PAX7: variants seen among roughly 807,000 people sequenced by gnomAD.
PAX7 encodes paired box 7, also known as paired box protein Pax-7.
In PAX7, 18 loss-of-function variants were observed where a neutral mutation model predicts 50.7. The observed-to-expected ratio is 0.36, with a 90% CI of 0.25 to 0.53. The LOEUF (loss-of-function observed/expected upper bound fraction) is 0.53. PAX7 is among the 20% of genes least tolerant of loss of function. PAX7 has a pLI of 0.93. For synonymous variants in PAX7, 310 were observed against 290.4 expected, an observed-to-expected ratio of 1.07 and a Z score of -0.69; for missense variants, 644 against 702.9, an observed-to-expected ratio of 0.92 and a Z score of 0.95.
chr1:18,718,689 C>T (rs2089458727), intron 7 of PAX7, among the ~76,000 whole-genome samples: 1 of 151,606 alleles, frequency 6.6e-6, no homozygotes, highest in Non-Finnish European at 1.5e-5. Context: ...TGTCGCCAGG[C>T]TGGAGTTCAG....
At chr1:18,676,126 A>C (rs893671794) in intron 4 of PAX7, among the ~76,000 whole-genome samples, 1 of 152,182 alleles carries the variant, frequency 6.6e-6, no homozygotes, top group Non-Finnish European at 1.5e-5. Flanking sequence ...TCACCATTAG[A>C]GTACGCTCCT....
intron 7 of PAX7, among the ~76,000 whole-genome samples, chr1:18,734,713 C>T (rs2089689900): frequency 6.6e-6 from 1 of 152,160 alleles, no homozygotes; most frequent in Non-Finnish European, 1.5e-5. Context: ...TTGCTAGTAG[C>T]TTCCCTCACC....
chr1:18,656,047 C>A (rs956189285), intron 4 of PAX7, among the ~76,000 whole-genome samples: 1 of 152,106 alleles, frequency 6.6e-6, no homozygotes, highest in Non-Finnish European at 1.5e-5. Flanking sequence ...TCAGTTTAAC[C>A]CATCTGCGAT....
At chr1:18,739,991 G>A (rs1057125762) in intron 8 of PAX7, among the ~76,000 whole-genome samples, 1 of 152,224 alleles carries the variant, frequency 6.6e-6, no homozygotes, top group African/African-American at 2.4e-5. Flanking sequence ...CTCTGGGGCT[G>A]CGGGCTGACG....
rs540508609 is a variant in PAX7, at chr1:18,688,777, G to A, written c.587-2977G>A. Among the ~76,000 whole-genome samples the A allele has an allele frequency of 3.9e-5, 6 of 152,292 alleles. No homozygotes were observed. In the East Asian group the frequency reaches 1.2e-3, roughly 29 times the overall value. ...AGAAATACAAAAATTAGCTGGCCAT[G>A]GTGGTGTGTGCCTGTAGTCCCAGCT... On this transcript the variant is annotated intron_variant, in intron 4 of 8. Coordinates refer to ENST00000420770, the MANE Select transcript of PAX7 (RefSeq NM_001135254.2).
rs1443182325 is a variant in PAX7, at chr1:18,635,493, A to AGAAGGAAGGAAGGTAG, written c.451+266_451+267insTAGGAAGGAAGGAAGG. On this transcript the variant is annotated intron_variant, in intron 3 of 8. Coordinates refer to ENST00000420770, the MANE Select transcript of PAX7 (RefSeq NM_001135254.2). ...GGAGAGAGAAATAAGAAAGGGAGGA[A>AGAAGGAAGGAAGGTAG]GAAGGAAGGAAGGAAGGTAGGAAGG... Among the ~76,000 whole-genome samples the AGAAGGAAGGAAGGTAG allele has an allele frequency of 1.0e-4, 7 of 68,826 alleles. No individual in the cohort carries two copies. The South Asian group carries it at 1.6e-3, about 16-fold the overall frequency. 45.2% of individuals were successfully genotyped at this position (68,826 alleles called of 152,430 possible). A position where few individuals can be genotyped will look rare whatever the true frequency, so the allele number is the denominator to read the frequency against.
At chr1:18,631,747 G>T in intron 1 of PAX7, 59 bp downstream of exon 1, 1 of 1,403,744 alleles carries the variant, frequency 7.1e-7, no homozygotes, top group Non-Finnish European at 1.0e-6. Flanking sequence ...GGGGTCCTTG[G>T]AGAGGCTGCG....
intron 4 of PAX7, among the ~76,000 whole-genome samples, chr1:18,643,221 G>T (rs887704858): frequency 2.6e-5 from 4 of 152,290 alleles, no homozygotes; most frequent in East Asian, 1.9e-4. Context: ...GGGCACTGGG[G>T]CCGCCGCGGA....
intron 4 of PAX7, among the ~76,000 whole-genome samples, chr1:18,642,569 G>A (rs886588473): frequency 1.3e-5 from 2 of 152,190 alleles, no homozygotes; most frequent in African/African-American, 4.8e-5. Context: ...AACAGGATGA[G>A]GGTTAGAGGC....
rs1227436314 is a variant in PAX7 at position 18,670,497 on chromosome 1, G to T, written c.587-21257G>T. On this transcript the variant is annotated intron_variant, in intron 4 of 8. Transcript: ENST00000420770. ...CGCCCCTCCCACCTCCTCGGCTGTG[G>T]CACTACCAGCCCTAGCCCAGGCCTT... Among the ~76,000 whole-genome samples the T allele has an allele frequency of 2.0e-5, 3 of 152,104 alleles. No individual in the cohort carries two copies. In the South Asian group the frequency reaches 6.2e-4, roughly 31 times the overall value.
At chr1:18,714,008 C>G (rs1466609771) in intron 7 of PAX7, among the ~76,000 whole-genome samples, 1 of 152,004 alleles carries the variant, frequency 6.6e-6, no homozygotes, top group Non-Finnish European at 1.5e-5. Flanking sequence ...GCCGGGAGTT[C>G]GAGACTAACC....
chr1:18,741,805 G>A (rs72943158), intron 8 of PAX7, among the ~76,000 whole-genome samples: 1 of 152,180 alleles, frequency 6.6e-6, no homozygotes, highest in Non-Finnish European at 1.5e-5. Flanking sequence ...GCAGAATTTG[G>A]GGTGCAGAGC....
At chr1:18,635,493 AGAAG>A (rs759818785) in intron 3 of PAX7, among the ~76,000 whole-genome samples, 51 of 68,822 alleles carry the variant, frequency 7.4e-4, no homozygotes, top group East Asian at 1.5e-3. Context: ...AAAGGGAGGA[AGAAG>A]GAAGGAAGGA....
intron 4 of PAX7, among the ~76,000 whole-genome samples, chr1:18,649,149 A>T (rs2088393414): frequency 6.6e-6 from 1 of 152,094 alleles, no homozygotes; most frequent in African/African-American, 2.4e-5. Context: ...GTCCAGAGGG[A>T]GTGACATGAG....
rs565471516 is a variant in PAX7 at position 18,655,246 on chromosome 1, G to T, written c.586+18875G>T. ...TCCAGTTTCCACGGTCAGAAACAAG[G>T]GCTGCGGCCGGTCCCAGCCCATGAC... is the stretch of plus-strand genomic sequence containing the variant. On this transcript the variant is annotated intron_variant, in intron 4 of 8. Coordinates refer to ENST00000420770, the MANE Select transcript of PAX7 (RefSeq NM_001135254.2). 7.9e-5 allele frequency among the ~76,000 whole-genome samples: 12 copies of T among 152,314 alleles called. No individual in the cohort carries two copies. The South Asian group carries it at 2.5e-3, about 32-fold the overall frequency.
At chr1:18,706,430 A>T (rs996526125) in intron 7 of PAX7, among the ~76,000 whole-genome samples, 23 of 147,248 alleles carry the variant, frequency 1.6e-4, no homozygotes, top group Admixed American at 1.0e-3. Context: ...ACTGGAAGGA[A>T]TTTTTTTCTT....
Position 18,691,932 on chromosome 1 carries a change from G to A in PAX7, c.765G>A (p.Lys255=), listed in dbSNP as rs766914857. 1.5e-5 allele frequency: 24 copies of A among 1,613,846 alleles called. No individual in the cohort carries two copies. Among genetic ancestry groups the A allele is most frequent in the Non-Finnish European group, 1.9e-5 (22 of 1,179,936 alleles). The change falls in exon 5 of 9, where the codon AAG becomes AAA. Residue 255 remains lysine (K), a synonymous_variant. Coordinates refer to ENST00000420770, the MANE Select transcript of PAX7 (RefSeq NM_001135254.2). The part of the protein sequence containing the change: ...YTREELAQRT[K]LTEARVQVWF... The stretch of plus-strand genomic sequence containing the variant: ...GCGAGGAGCTGGCGCAGAGGACCAA[G>A]CTGACAGAGGCGCGTGTGCAGGTGA...
At chr1:18,706,460 CTTT>C (rs71027391) in intron 7 of PAX7, among the ~76,000 whole-genome samples, 16 of 98,614 alleles carry the variant, frequency 1.6e-4, no homozygotes, top group East Asian at 3.0e-4. Context: ...CTCTCTCTCT[CTTT>C]TTTTTTTTTT....
intron 4 of PAX7, among the ~76,000 whole-genome samples, chr1:18,664,643 T>C (rs1203512470): frequency 6.6e-6 from 1 of 152,166 alleles, no homozygotes; most frequent in Non-Finnish European, 1.5e-5. Context: ...ATGACATCCG[T>C]TGCTCAGAGT....
Sources: allele counts gnomAD v4.1 joint callset (sites outside exome capture counted in the v4.1 genomes callset), GRCh38; gene constraint gnomAD v4.1.1; transcripts MANE v1.5; gene names NCBI Gene and HGNC (gene_info 2026-07-23, HGNC 2026-07-21).